The following PRKG1 variants were observed in gnomAD, a reference collection of about 807,000 sequenced individuals.
PRKG1 encodes protein kinase cGMP-dependent 1, also known as cGMP-dependent protein kinase 1.
In PRKG1, 35 loss-of-function variants were observed where a neutral mutation model predicts 88.1. That is an observed-to-expected ratio of 0.40 (90% CI 0.30 to 0.53). The LOEUF (loss-of-function observed/expected upper bound fraction) is 0.53. PRKG1 is among the 20% of genes least tolerant of loss of function. The pLI, the probability that PRKG1 is intolerant of heterozygous loss-of-function variation, is 0.59. For missense variants in PRKG1, 540 were observed against 839.8 expected, an observed-to-expected ratio of 0.64 and a Z score of 4.41; for synonymous variants, 303 against 292.5, an observed-to-expected ratio of 1.04 and a Z score of -0.37.
chr10:52,293,372 A>G (rs938722060), intron 17 of PRKG1, among the ~76,000 whole-genome samples: 3 of 151,620 alleles, frequency 2.0e-5, no homozygotes, highest in Non-Finnish European at 4.4e-5. Context: ...ATCCCCATCA[A>G]GCTACCAATG....
chr10:51,717,549 G>A (rs1190591625), intron 3 of PRKG1, among the ~76,000 whole-genome samples: 5 of 152,034 alleles, frequency 3.3e-5, no homozygotes, highest in South Asian at 2.1e-4. Context: ...GAGAAGTAAT[G>A]GGCCAGGTAC....
intron 2 of PRKG1, among the ~76,000 whole-genome samples, chr10:51,367,291 C>G (rs1344379377): frequency 6.6e-6 from 1 of 151,894 alleles, no homozygotes; most frequent in Non-Finnish European, 1.5e-5. Flanking sequence ...CATTGAAATT[C>G]CAAAAAGAGC....
intron 8 of PRKG1, among the ~76,000 whole-genome samples, chr10:52,161,586 G>A (rs1838277357): frequency 6.6e-6 from 1 of 152,048 alleles, no homozygotes. Context: ...ATATCATTTA[G>A]TGTGTCACAG....
chr10:50,995,609 C>G (rs1842829418), intron 1 of PRKG1, among the ~76,000 whole-genome samples: 1 of 152,134 alleles, frequency 6.6e-6, no homozygotes, highest in Admixed American at 6.5e-5. Context: ...TCTTGATTTT[C>G]TTAATGAATA....
intron 3 of PRKG1, among the ~76,000 whole-genome samples, chr10:51,658,214 T>G (rs1840209427): frequency 6.6e-6 from 1 of 152,130 alleles, no homozygotes; most frequent in African/African-American, 2.4e-5. Flanking sequence ...TTTTATCTCC[T>G]GCAAGTGAGA....
At chr10:52,036,970 C>A (rs572081128) in intron 5 of PRKG1, among the ~76,000 whole-genome samples, 1 of 152,250 alleles carries the variant, frequency 6.6e-6, no homozygotes, top group Non-Finnish European at 1.5e-5. Flanking sequence ...TGAGAGTTAC[C>A]GGAAGCTCGG....
At chr10:52,183,607 C>T (rs554181938) in intron 9 of PRKG1, among the ~76,000 whole-genome samples, 3 of 152,318 alleles carry the variant, frequency 2.0e-5, no homozygotes, top group African/African-American at 4.8e-5. Flanking sequence ...CATTCAGCCA[C>T]CCATGTGGGC....
chr10:51,582,559 G>T (rs971476068), intron 3 of PRKG1, among the ~76,000 whole-genome samples: 3 of 152,070 alleles, frequency 2.0e-5, no homozygotes, highest in African/African-American at 7.2e-5. Flanking sequence ...GCAGTGTTTG[G>T]TTTTCTGTTC....
chr10:52,086,245 T>C (rs1377180546), intron 7 of PRKG1, among the ~76,000 whole-genome samples: 2 of 152,086 alleles, frequency 1.3e-5, no homozygotes, highest in African/African-American at 4.8e-5. Context: ...TTGCATTCTT[T>C]TCCTTATCTT....
chr10:52,107,336 T>A (rs1460002732), intron 7 of PRKG1, among the ~76,000 whole-genome samples: 2 of 152,238 alleles, frequency 1.3e-5, no homozygotes, highest in Non-Finnish European at 2.9e-5. Flanking sequence ...TGTAGTCCTC[T>A]GTTCTGCTGT....
At chr10:51,357,016 A>T (rs777301036) in intron 2 of PRKG1, among the ~76,000 whole-genome samples, 4 of 151,914 alleles carry the variant, frequency 2.6e-5, no homozygotes, top group Non-Finnish European at 5.9e-5. Flanking sequence ...AAGGGAAGAG[A>T]TTGTTTTAAT....
At chr10:51,978,251 T>G (rs947118111) in intron 5 of PRKG1, among the ~76,000 whole-genome samples, 2 of 152,088 alleles carry the variant, frequency 1.3e-5, no homozygotes, top group African/African-American at 4.8e-5. Context: ...GTCAGCTTTG[T>G]TGAAGATGAG....
chr10:51,919,060 G>A (rs768380011), intron 5 of PRKG1, among the ~76,000 whole-genome samples: 2 of 152,264 alleles, frequency 1.3e-5, no homozygotes, highest in East Asian at 1.9e-4. Context: ...ATCAAACAAC[G>A]TGGTGCAGGA....
At chr10:52,201,954 G>A (rs1210561249) in intron 9 of PRKG1, among the ~76,000 whole-genome samples, 2 of 152,096 alleles carry the variant, frequency 1.3e-5, no homozygotes, top group Non-Finnish European at 2.9e-5. Context: ...GAGCTTTCAG[G>A]TAGAGACTAT....
intron 7 of PRKG1, among the ~76,000 whole-genome samples, chr10:52,127,726 T>C (rs1847962704): frequency 6.6e-6 from 1 of 152,180 alleles, no homozygotes; most frequent in Non-Finnish European, 1.5e-5. Context: ...TAACATTTAT[T>C]GGTTGATTAC....
intron 4 of PRKG1, among the ~76,000 whole-genome samples, chr10:51,883,928 T>C (rs182769413): frequency 1.5e-3 from 233 of 151,498 alleles, no homozygotes; most frequent in African/African-American, 5.4e-3. Context: ...TGTTCTTCAA[T>C]TATTAGGAAA....
chr10:51,859,417 C>A (rs1421970582), intron 4 of PRKG1, among the ~76,000 whole-genome samples: 2 of 148,802 alleles, frequency 1.3e-5, no homozygotes, highest in Non-Finnish European at 3.0e-5. Flanking sequence ...TGCAACAGAG[C>A]CTATTAAATG....
intron 5 of PRKG1, among the ~76,000 whole-genome samples, chr10:51,969,400 A>G (rs1360442472): frequency 6.6e-6 from 1 of 152,170 alleles, no homozygotes; most frequent in Non-Finnish European, 1.5e-5. Context: ...AGTACTACCC[A>G]TTGGTCTAAA....
rs988346673 is a variant in PRKG1 at position 52,128,235 on chromosome 10, G to A, written c.936-5605G>A. 12 of 985,440 alleles carry A rather than the reference G, an allele frequency of 1.2e-5. No homozygotes were observed. In the African/African-American group the frequency reaches 1.9e-4, roughly 16 times the overall value. The allele number at this position is 985,440 out of a possible 1,614,324, so 61.0% of individuals were successfully genotyped here. A position where few individuals can be genotyped will look rare whatever the true frequency, so the allele number is the denominator to read the frequency against. ...TCGAGTTTCCATGAAGGCTGGCACT[G>A]AGAGAGTGCTGGGACTCTGTGGACA... On this transcript the variant is annotated intron_variant, in intron 7 of 17. Transcript: ENST00000373980.
Sources: allele counts gnomAD v4.1 joint callset (sites outside exome capture counted in the v4.1 genomes callset), GRCh38; gene constraint gnomAD v4.1.1; transcripts MANE v1.5; gene names NCBI Gene and HGNC (gene_info 2026-07-23, HGNC 2026-07-21).